DLG4: variants seen among roughly 807,000 people sequenced by gnomAD.
DLG4 encodes the protein discs large MAGUK scaffold protein 4.
A neutral mutation model predicts 93.8 loss-of-function variants in DLG4; 7 were observed. That is an observed-to-expected ratio of 0.07 (90% CI 0.04 to 0.14). The LOEUF is 0.14. DLG4 is among the 10% of genes least tolerant of loss of function. The pLI, the probability that DLG4 is intolerant of heterozygous loss-of-function variation, is 1.00. For missense variants in DLG4, 545 were observed against 992.9 expected, an observed-to-expected ratio of 0.55 and a Z score of 6.06; for synonymous variants, 341 against 387.6, an observed-to-expected ratio of 0.88 and a Z score of 1.41.
chr17:7,194,398 C>T lies in DLG4; in HGVS notation c.1399G>A (p.Asp467Asn). The change falls in exon 12 of 20, where the codon GAT becomes AAT. Residue 467 changes from aspartate to asparagine, a missense_variant. This residue lies in a region of DLG4 where 428 missense variants were observed against 741.4 expected (regional missense o/e 0.58). Coordinates refer to ENST00000399506, the MANE Select transcript of DLG4 (RefSeq NM_001321075.3). The surrounding 1 kb of genome is among the most constrained non-coding windows in gnomAD (Gnocchi z 4.4). ...GDVLHVIDAS[D>N]EEWWQARRVH... ...CGCCGTGCCTGCCACCACTCCTCAT[C>T]ACTAGCATCGATGACATGCAGCACA... 6.2e-7 allele frequency: 1 copy of T among 1,613,126 alleles called. No individual in the cohort carries two copies. The highest frequency in any genetic ancestry group is 8.5e-7 in the Non-Finnish European group (1 of 1,179,596).
upstream of DLG4, chr17:7,217,721 C>G (rs1374847606): frequency 2.7e-5 from 42 of 1,534,718 alleles, no homozygotes; most frequent in Non-Finnish European, 3.7e-5. Flanking sequence ...GGCAGGAACC[C>G]GGATAATGGG....
Position 7,203,534 on chromosome 17 carries a change from G to T in DLG4, c.395C>A (p.Ala132Glu). 1 of 1,613,500 alleles carries T rather than the reference G, an allele frequency of 6.2e-7. No homozygotes were observed. Among genetic ancestry groups the T allele is most frequent in the Non-Finnish European group, 8.5e-7 (1 of 1,179,628 alleles). The change falls in exon 6 of 20, where the codon GCG (alanine) becomes GAG (glutamate). Residue 132 changes from alanine to glutamate, a missense_variant. By Grantham distance (107) the Ala-to-Glu change is moderately radical. Coordinates refer to ENST00000399506, the MANE Select transcript of DLG4 (RefSeq NM_001321075.3). The surrounding 1 kb of genome is among the most constrained non-coding windows in gnomAD (Gnocchi z 7.2). The part of the protein sequence containing the change: ...EVDVREVTHS[A>E]AVEALKEAGS... ...TGCCTCTTTGAGGGCTTCCACCGCC[G>T]CTGAGTGGGTCACCTCGCGCACGTC... is the stretch of plus-strand genomic sequence containing the variant.
Position 7,189,310 on chromosome 17 carries a change from T to A in DLG4, c.*1398A>T, listed in dbSNP as rs1211169980. Reference sequence around the variant, plus strand: ...TTCAAGACCAGCCTGACCAACATGGTGAAACCCCATCTCTACTAAAAATAC... The same window carrying A: ...TTCAAGACCAGCCTGACCAACATGGAGAAACCCCATCTCTACTAAAAATAC... On this transcript the variant is annotated 3_prime_UTR_variant, in exon 20 of 20. Coordinates refer to ENST00000399506, the MANE Select transcript of DLG4 (RefSeq NM_001321075.3). 2.0e-5 allele frequency among the ~76,000 whole-genome samples: 3 copies of A among 150,838 alleles called. No individual in the cohort carries two copies. The highest frequency in any genetic ancestry group is 2.0e-4 in the East Asian group (1 of 5,056).
At chr17:7,218,339 C>A, upstream of DLG4, 1 of 1,550,128 alleles carries the variant, frequency 6.5e-7, no homozygotes, top group East Asian at 2.4e-5. Flanking sequence ...AGGCACATCA[C>A]CCCTGTCATC....
upstream of DLG4, chr17:7,218,645 G>A (rs1453091576): frequency 6.4e-7 from 1 of 1,557,800 alleles, no homozygotes; most frequent in Admixed American, 1.9e-5. Flanking sequence ...GGGAGCTAGT[G>A]AGATGCAAGG....
intron 8 of DLG4, 133 bp from the exon 9 acceptor site, chr17:7,197,185 G>A (rs2069838540): frequency 1.2e-6 from 1 of 846,040 alleles, no homozygotes; most frequent in Non-Finnish European, 1.8e-6. Flanking sequence ...CCAGGGTGGG[G>A]TGGTAAGGGG....
upstream of DLG4, chr17:7,218,949 G>T: frequency 7.6e-7 from 1 of 1,309,382 alleles, no homozygotes; most frequent in Non-Finnish European, 1.1e-6. Context: ...GGCCGTCTCT[G>T]AGCCGACCAG....
intron 1 of DLG4, among the ~76,000 whole-genome samples, chr17:7,209,671 G>A (rs2070631738): frequency 6.6e-6 from 1 of 152,194 alleles, no homozygotes; most frequent in South Asian, 2.1e-4. Context: ...TAAGGAGGCT[G>A]AGGTGGGAGG....
Position 7,196,991 on chromosome 17 carries a change from G to A in DLG4, c.849C>T (p.Pro283=), listed in dbSNP as rs542676517. 1.1e-5 allele frequency: 17 copies of A among 1,613,564 alleles called. No homozygotes were observed. Among genetic ancestry groups the A allele is most frequent in the Admixed American group, 1.7e-5 (1 of 59,942 alleles). ...GAGGGGAAGTGGGGGTCATGGCTGTGGGGTAGTCGGTGCCCAGGTAGCTGC... is the reference window on the plus strand; with the variant it reads ...GAGGGGAAGTGGGGGTCATGGCTGTAGGGTAGTCGGTGCCCAGGTAGCTGC... The part of the protein sequence containing the change: ...SHSSYLGTDY[P]TAMTPTSPRR... The change falls in exon 9 of 20, where the codon CCC becomes CCT. Residue 283 remains proline, a synonymous_variant. Coordinates refer to ENST00000399506, the MANE Select transcript of DLG4 (RefSeq NM_001321075.3). The surrounding 1 kb of genome is among the most constrained non-coding windows in gnomAD (Gnocchi z 8.3).
Position 7,194,255 on chromosome 17 carries a change from C to A in DLG4, c.1478+64G>T. On this transcript the variant is annotated intron_variant, in intron 12 of 19. Coordinates refer to ENST00000399506, the MANE Select transcript of DLG4 (RefSeq NM_001321075.3). The surrounding 1 kb of genome is among the most constrained non-coding windows in gnomAD (Gnocchi z 4.4). ...AAACCCATCCCCTGTTGGCTGCCCA[C>A]CCCGGGGGACCTTGGGAACTTCAGT... is the stretch of plus-strand genomic sequence containing the variant. The A allele has an allele frequency of 3.9e-6, 6 of 1,543,618 alleles. No homozygotes were observed. Among genetic ancestry groups the A allele is most frequent in the Non-Finnish European group, 4.4e-6 (5 of 1,143,496 alleles).
rs1007234978 is a variant in DLG4 at position 7,191,827 on chromosome 17, G to T, written c.1976+66C>A. The stretch of plus-strand genomic sequence containing the variant: ...TCTGAAGGGAGAGTTGAACGCAGAC[G>T]CCTTGTGAGGCCCAGGGCCACAGGT... On this transcript the variant is annotated intron_variant, in intron 18 of 19. Transcript: ENST00000399506. The surrounding 1 kb of genome is among the most constrained non-coding windows in gnomAD (Gnocchi z 6.6). 1.2e-5 allele frequency: 14 copies of T among 1,138,022 alleles called. No individual in the cohort carries two copies. The highest frequency in any genetic ancestry group is 1.7e-5 in the Non-Finnish European group (14 of 823,208). The allele number at this position is 1,138,022 out of a possible 1,614,324, so 70.5% of individuals were successfully genotyped here. A position where few individuals can be genotyped will look rare whatever the true frequency, so the allele number is the denominator to read the frequency against.
chr17:7,219,934 C>CGCGGGCGTGCAGGAT, upstream of DLG4: 6 of 1,577,084 alleles, frequency 3.8e-6, no homozygotes, highest in Non-Finnish European at 4.3e-6. Context: ...GCGTGCAGGA[C>CGCGGGCGTGCAGGAT]GCCAGAGCTG....
chr17:7,196,153 C>A lies in DLG4; in HGVS notation c.1301+67G>T. ...GGTGGAGAAGAGGAGCGGCTGAGGC[C>A]CGGGCCAGGCACAGAGTGCCCAGGA... is the stretch of plus-strand genomic sequence containing the variant. On this transcript the variant is annotated intron_variant, in intron 11 of 19. Coordinates refer to ENST00000399506, the MANE Select transcript of DLG4 (RefSeq NM_001321075.3). The surrounding 1 kb of genome is among the most constrained non-coding windows in gnomAD (Gnocchi z 8.3). The A allele has an allele frequency of 7.8e-7, 1 of 1,277,140 alleles. No homozygotes were observed. Among genetic ancestry groups the A allele is most frequent in the East Asian group, 2.4e-5 (1 of 41,864 alleles). 79.1% of individuals were successfully genotyped at this position (1,277,140 alleles called of 1,614,324 possible). A position where few individuals can be genotyped will look rare whatever the true frequency, so the allele number is the denominator to read the frequency against.
chr17:7,192,854 C>CAGAG (rs148186868), intron 17 of DLG4, 91 bp downstream of exon 17: 6 of 1,332,074 alleles, frequency 4.5e-6, no homozygotes, highest in Non-Finnish European at 6.1e-6. Context: ...GGGAAAGAGA[C>CAGAG]AGAGAGAGAG....
chr17:7,218,915 T>C, upstream of DLG4: 1 of 1,571,316 alleles, frequency 6.4e-7, no homozygotes, highest in African/African-American at 1.3e-5. Context: ...TTCTCCCCAC[T>C]AAATTCCAGC....
At chr17:7,216,959 T>A (rs897289125) in intron 1 of DLG4, among the ~76,000 whole-genome samples, 159 bp downstream of exon 1, 1 of 151,978 alleles carries the variant, frequency 6.6e-6, no homozygotes, top group Non-Finnish European at 1.5e-5. Context: ...AAATCCTGCA[T>A]TTTCTCAGAT....
rs1005135623 is a variant in DLG4, at chr17:7,194,615, C to T, written c.1302-120G>A. 4.1e-5 allele frequency: 44 copies of T among 1,079,050 alleles called. No individual in the cohort carries two copies. The highest frequency in any genetic ancestry group is 5.1e-5 in the Non-Finnish European group (39 of 764,878). The allele number at this position is 1,079,050 out of a possible 1,614,324, so 66.8% of individuals were successfully genotyped here. A position where few individuals can be genotyped will look rare whatever the true frequency, so the allele number is the denominator to read the frequency against. On this transcript the variant is annotated intron_variant, in intron 11 of 19. Coordinates refer to ENST00000399506, the MANE Select transcript of DLG4 (RefSeq NM_001321075.3). The surrounding 1 kb of genome is among the most constrained non-coding windows in gnomAD (Gnocchi z 4.4). ...GCACTCCCATGGGAGCTATGGATGCCGAGGAACCCAAAACTGTGTGGGGAC... is the reference window on the plus strand; with the variant it reads ...GCACTCCCATGGGAGCTATGGATGCTGAGGAACCCAAAACTGTGTGGGGAC...
intron 8 of DLG4, among the ~76,000 whole-genome samples, chr17:7,198,159 G>A (rs1417355271): frequency 6.6e-6 from 1 of 152,068 alleles, no homozygotes; most frequent in Non-Finnish European, 1.5e-5. Context: ...GGTGGTGATT[G>A]TCATTTACTA....
rs577265056 is a variant in DLG4 at position 7,187,787 on chromosome 17, G to T, written c.*2921C>A. On this transcript the variant is annotated 3_prime_UTR_variant, in exon 20 of 20. Coordinates refer to ENST00000399506, the MANE Select transcript of DLG4 (RefSeq NM_001321075.3). ...AGAAGGATTATTTGAAAAACATCAG[G>T]GCCAGGTGCAGTGGCTCACGCCTGT... Among the ~76,000 whole-genome samples the T allele has an allele frequency of 2.6e-5, 4 of 151,858 alleles. No homozygotes were observed. Among genetic ancestry groups the T allele is most frequent in the Admixed American group, 2.6e-4 (4 of 15,234 alleles).
Sources: gnomAD v4.1 joint callset for allele counts (sites outside exome capture counted in the v4.1 genomes callset) on GRCh38, gnomAD v4.1.1 for gene constraint, gnomAD v4.1.1 regional missense constraint, Gnocchi (gnomAD v3.1) non-coding constraint, MANE v1.5 for transcripts, NCBI Gene and HGNC (gene_info 2026-07-23, HGNC 2026-07-21) for gene names.